The following RIN2 variants were observed in gnomAD, a reference collection of about 807,000 sequenced individuals.
RIN2 encodes Ras and Rab interactor 2, also known as RAB5 interacting protein 2.
Under a neutral mutation model 78.0 loss-of-function variants are expected in RIN2, and 36 were observed. The ratio of observed to expected loss-of-function variants is 0.46; its 90% CI spans 0.35 to 0.61. The LOEUF (loss-of-function observed/expected upper bound fraction) is 0.61. Ranked by LOEUF, RIN2 falls within the 20% of genes least tolerant of loss-of-function variation. The pLI, the probability that RIN2 is intolerant of heterozygous loss-of-function variation, is 0.00. For synonymous variants in RIN2, 466 were observed against 466.8 expected, an observed-to-expected ratio of 1.00 and a Z score of 0.02; for missense variants, 1,087 against 1,159.7, an observed-to-expected ratio of 0.94 and a Z score of 0.91.
chr20:19,767,840 A>C (rs1469626866), intron 1 of RIN2, among the ~76,000 whole-genome samples: 1 of 149,956 alleles, frequency 6.7e-6, no homozygotes, highest in Non-Finnish European at 1.5e-5. Context: ...TAGGAGAATC[A>C]CTTGAACCTG....
At chr20:19,833,546 T>A (rs985147621) in intron 2 of RIN2, among the ~76,000 whole-genome samples, 1 of 152,216 alleles carries the variant, frequency 6.6e-6, no homozygotes, top group East Asian at 1.9e-4. Flanking sequence ...GTTTACAACG[T>A]GTTGAGCTCT....
chr20:19,976,994 G>A (rs1186727975), intron 9 of RIN2, among the ~76,000 whole-genome samples: 1 of 152,182 alleles, frequency 6.6e-6, no homozygotes, highest in Non-Finnish European at 1.5e-5. Context: ...GGGTGTTGCT[G>A]GAGTGAGTGG....
At chr20:19,928,848 C>T (rs973096691) in intron 3 of RIN2, among the ~76,000 whole-genome samples, 3 of 152,194 alleles carry the variant, frequency 2.0e-5, no homozygotes, top group Non-Finnish European at 2.9e-5. Context: ...CCCACTCTCT[C>T]CCAGCTTCTA....
intron 4 of RIN2, among the ~76,000 whole-genome samples, chr20:19,937,664 T>A: frequency 6.6e-6 from 1 of 152,236 alleles, no homozygotes; most frequent in East Asian, 1.9e-4. Flanking sequence ...ATCTTTTGAA[T>A]GCATAAAATA....
At chr20:19,874,639 G>T (rs1007148610) in intron 2 of RIN2, among the ~76,000 whole-genome samples, 1 of 152,058 alleles carries the variant, frequency 6.6e-6, no homozygotes, top group Non-Finnish European at 1.5e-5. Context: ...GACTACCTCT[G>T]AAGGAAACAA....
At chr20:19,914,209 CTTA>C (rs1320290062) in intron 3 of RIN2, among the ~76,000 whole-genome samples, 1 of 152,182 alleles carries the variant, frequency 6.6e-6, no homozygotes. Context: ...ATGCTTGTTT[CTTA>C]TTGTCTGTCT....
chr20:19,768,955 T>C (rs1346169511), intron 1 of RIN2, among the ~76,000 whole-genome samples: 2 of 147,790 alleles, frequency 1.4e-5, no homozygotes, highest in Non-Finnish European at 3.0e-5. Flanking sequence ...CGAGTCTCGC[T>C]CTGTCACCCA....
intron 2 of RIN2, among the ~76,000 whole-genome samples, chr20:19,852,973 T>C (rs527313226): frequency 1.3e-4 from 20 of 151,760 alleles, no homozygotes; most frequent in Admixed American, 2.0e-4. Context: ...CATGTTGGTG[T>C]GCTGCACCCA....
chr20:19,957,682 A>G (rs1430480544), intron 5 of RIN2, among the ~76,000 whole-genome samples: 1 of 150,720 alleles, frequency 6.6e-6, no homozygotes, highest in Non-Finnish European at 1.5e-5. Flanking sequence ...GTCCCCCCCA[A>G]AAAAAAAAAG....
At chr20:19,784,121 A>G (rs1183140262) in intron 1 of RIN2, among the ~76,000 whole-genome samples, 1 of 152,190 alleles carries the variant, frequency 6.6e-6, no homozygotes. Flanking sequence ...CCCCAAGGCA[A>G]CTGGAAAATC....
At chr20:19,965,116 G>A in intron 7 of RIN2, 92 bp downstream of exon 7, 2 of 1,031,592 alleles carry the variant, frequency 1.9e-6, no homozygotes, top group Non-Finnish European at 3.0e-6. Flanking sequence ...TAGGAGGCTG[G>A]CCACCTATTT....
At chr20:19,954,065 A>G (rs1307019638) in intron 4 of RIN2, among the ~76,000 whole-genome samples, 3 of 152,204 alleles carry the variant, frequency 2.0e-5, no homozygotes, top group African/African-American at 7.2e-5. Context: ...GAGAGAAGTT[A>G]GGACGGGGGT....
chr20:19,821,338 A>C (rs747792735), intron 2 of RIN2, among the ~76,000 whole-genome samples: 3 of 152,112 alleles, frequency 2.0e-5, no homozygotes, highest in Non-Finnish European at 4.4e-5. Flanking sequence ...AGAAACTCAA[A>C]TCCTGTATCC....
chr20:19,880,367 A>G (rs889499282), intron 2 of RIN2, among the ~76,000 whole-genome samples: 13 of 139,386 alleles, frequency 9.3e-5, no homozygotes, highest in Admixed American at 8.8e-4. Flanking sequence ...TCTTCCTATC[A>G]TCTTATGCTT....
chr20:19,871,838 TA>T (rs1401239323), intron 2 of RIN2: 6 of 152,210 alleles, frequency 3.9e-5, no homozygotes, highest in African/African-American at 1.4e-4. Context: ...ATCCCCAGTT[TA>T]TTTCAATGAT....
At position 20,001,126 on chromosome 20, in the gene RIN2, A is replaced by G. The variant is rs2043131050; in HGVS notation, c.*190A>G. 4 of 574,126 alleles carry G rather than the reference A, an allele frequency of 7.0e-6. No homozygotes were observed. The Admixed American group carries it at 9.0e-5, about 13-fold the overall frequency. 35.6% of individuals were successfully genotyped at this position (574,126 alleles called of 1,614,324 possible). On this transcript the variant is annotated 3_prime_UTR_variant, in exon 13 of 13. Transcript: ENST00000255006. ...GCAAGGTAGCTGAGGTTTGTGAAAC[A>G]GTAGGATTCTCTTTTGGCAATGGAG...
chr20:19,796,168 T>C (rs1013238366), intron 1 of RIN2, among the ~76,000 whole-genome samples: 1 of 152,220 alleles, frequency 6.6e-6, no homozygotes, highest in Non-Finnish European at 1.5e-5. Context: ...GGAATGTATA[T>C]AGGAGTTTGA....
chr20:19,831,624 C>T (rs555329609), intron 2 of RIN2, among the ~76,000 whole-genome samples: 9 of 152,238 alleles, frequency 5.9e-5, no homozygotes, highest in South Asian at 2.1e-4. Flanking sequence ...AAGTTAAGCC[C>T]GTCAAGTACT....
chr20:19,857,811 C>A (rs554808334), intron 2 of RIN2, among the ~76,000 whole-genome samples: 1 of 152,018 alleles, frequency 6.6e-6, no homozygotes, highest in South Asian at 2.1e-4. Flanking sequence ...CAAAGTGAGA[C>A]CCTGTCTCTA....
Sources: gnomAD v4.1 joint callset for allele counts (sites outside exome capture counted in the v4.1 genomes callset) on GRCh38, gnomAD v4.1.1 for gene constraint, MANE v1.5 for transcripts, NCBI Gene and HGNC (gene_info 2026-07-23, HGNC 2026-07-21) for gene names.